Variants in DCAF8L2 observed in about 807,000 individuals in gnomAD.
DCAF8L2 encodes DDB1- and CUL4-associated factor 8-like protein 2.
For synonymous variants in DCAF8L2, 200 were observed against 190.9 expected (o/e 1.05, Z -0.39); for missense variants, 430 against 490.7 (o/e 0.88, Z 1.17).
At chrX:27,671,310 T>G (rs1347851944) in intron 2 of DCAF8L2, among the ~76,000 whole-genome samples, 2 of 112,132 alleles carry the variant, frequency 1.8e-5, no homozygotes, top group Non-Finnish European at 3.8e-5. Context: ...TAACTTTTAT[T>G]TTTTCACCAA....
chrX:27,613,236 A>G (rs941239111), intron 1 of DCAF8L2, among the ~76,000 whole-genome samples: 5 of 111,105 alleles, frequency 4.5e-5, no homozygotes, highest in African/African-American at 1.3e-4. Flanking sequence ...TTCACTCATG[A>G]TTTGGCTCTC....
chrX:27,628,089 AT>A (rs761708181), intron 1 of DCAF8L2, among the ~76,000 whole-genome samples: 111 of 110,782 alleles, frequency 1.0e-3, no homozygotes, highest in Middle Eastern at 4.7e-3. Context: ...ACAACTCTCA[AT>A]TTCCCCCACT....
intron 2 of DCAF8L2, among the ~76,000 whole-genome samples, chrX:27,651,001 T>C (rs1219009161): frequency 1.8e-5 from 2 of 111,809 alleles, no homozygotes; most frequent in African/African-American, 6.5e-5. Context: ...GTGTTTATTG[T>C]GAAGGGATGT....
chrX:27,662,910 G>A (rs914707556), intron 2 of DCAF8L2, among the ~76,000 whole-genome samples: 2 of 111,182 alleles, frequency 1.8e-5, no homozygotes, highest in Admixed American at 9.6e-5. Context: ...GATGATTCAA[G>A]GTTTATAATA....
chrX:27,551,068 G>C, the DCAF8L2 span, among the ~76,000 whole-genome samples: 1 of 109,801 alleles, frequency 9.1e-6, no homozygotes, highest in Non-Finnish European at 1.9e-5. Context: ...CTTAATAAAT[G>C]TGTGTGTCCT....
At chrX:27,510,249 T>C in the DCAF8L2 span, among the ~76,000 whole-genome samples, 2 of 110,801 alleles carry the variant, frequency 1.8e-5, no homozygotes, top group Non-Finnish European at 3.8e-5. Flanking sequence ...CTCCCTGTCA[T>C]GCTTAATTAA....
chrX:27,657,595 A>G (rs962109827), intron 2 of DCAF8L2, among the ~76,000 whole-genome samples: 4 of 111,959 alleles, frequency 3.6e-5, no homozygotes, highest in African/African-American at 1.3e-4. Context: ...TTTCAGTCAT[A>G]ATGATAATGA....
the DCAF8L2 span, among the ~76,000 whole-genome samples, chrX:27,581,465 G>T: frequency 9.0e-6 from 1 of 111,519 alleles, no homozygotes; most frequent in African/African-American, 3.3e-5. Flanking sequence ...TCTATTAGTT[G>T]ATTCTGGGTA....
intron 1 of DCAF8L2, among the ~76,000 whole-genome samples, chrX:27,624,686 C>T (rs776910962): frequency 6.2e-4 from 69 of 110,877 alleles, no homozygotes; most frequent in African/African-American, 2.1e-3. Flanking sequence ...AATAGAGAAC[C>T]CAGAAATAAA....
chrX:27,592,803 T>G (rs1371252115), intron 1 of DCAF8L2, among the ~76,000 whole-genome samples: 2 of 88,232 alleles, frequency 2.3e-5, no homozygotes, highest in African/African-American at 1.0e-4. Context: ...CATCTCAACC[T>G]TTTTTTTTTT....
At chrX:27,504,356 C>T in the DCAF8L2 span, among the ~76,000 whole-genome samples, 2 of 111,467 alleles carry the variant, frequency 1.8e-5, no homozygotes, top group Non-Finnish European at 3.8e-5. Context: ...ATTCAGATTT[C>T]GCTTTTATAC....
chrX:27,500,086 T>C, the DCAF8L2 span, among the ~76,000 whole-genome samples: 20 of 111,899 alleles, frequency 1.8e-4, no homozygotes, highest in African/African-American at 6.2e-4. Context: ...TTCTAAAGTA[T>C]AGTTTTGCAA....
upstream of DCAF8L2, among the ~76,000 whole-genome samples, chrX:27,589,819 C>T (rs1925993558): frequency 8.9e-6 from 1 of 111,821 alleles, no homozygotes; most frequent in African/African-American, 3.2e-5. Context: ...ACTCCTTTCC[C>T]CCTTTCAATT....
the DCAF8L2 span, among the ~76,000 whole-genome samples, chrX:27,561,923 G>A: frequency 3.6e-5 from 4 of 111,257 alleles, no homozygotes; most frequent in South Asian, 1.5e-3. Context: ...CATTTCTTAG[G>A]TATATAACTA....
the DCAF8L2 span, among the ~76,000 whole-genome samples, chrX:27,513,510 T>A: frequency 4.0e-3 from 445 of 110,572 alleles, 1 homozygote; most frequent in African/African-American, 0.014. Context: ...ATCAAGACCA[T>A]CCTGGCCAAC....
chrX:27,584,381 A>G, the DCAF8L2 span, among the ~76,000 whole-genome samples: 4 of 110,354 alleles, frequency 3.6e-5, no homozygotes, highest in Admixed American at 3.9e-4. Flanking sequence ...ATTATTATTC[A>G]CCCTTTCACA....
intron 4 of DCAF8L2, among the ~76,000 whole-genome samples, chrX:27,744,233 C>T (rs1456563236): frequency 2.7e-5 from 3 of 111,262 alleles, no homozygotes; most frequent in African/African-American, 9.8e-5. Context: ...ATCTGGAAGA[C>T]CTGTATCTGT....
At chrX:27,644,291 T>G (rs1928857383) in intron 2 of DCAF8L2, among the ~76,000 whole-genome samples, 1 of 112,343 alleles carries the variant, frequency 8.9e-6, no homozygotes. Context: ...TTCACTAGAA[T>G]ATAAGCTCCT....
intron 2 of DCAF8L2, among the ~76,000 whole-genome samples, chrX:27,666,167 T>C (rs908855146): frequency 8.9e-6 from 1 of 112,170 alleles, no homozygotes; most frequent in Admixed American, 9.5e-5. Flanking sequence ...ATTGTGTATG[T>C]TTACAATATT....
Sources: gnomAD v4.1 joint callset for allele counts (sites outside exome capture counted in the v4.1 genomes callset) on GRCh38, gnomAD v4.1.1 for gene constraint, MANE v1.5 for transcripts, NCBI Gene and HGNC (gene_info 2026-07-23, HGNC 2026-07-21) for gene names.